Variants in ADAMTSL1 observed in about 807,000 individuals in gnomAD.
The protein encoded by ADAMTSL1 is ADAMTS like 1, also known as ADAMTS-like protein 1.
In ADAMTSL1, 126 loss-of-function variants were observed where a neutral mutation model predicts 201.8. The ratio of observed to expected loss-of-function variants is 0.62; its 90% CI spans 0.54 to 0.72. The LOEUF (loss-of-function observed/expected upper bound fraction) is 0.72, where lower values mean the gene tolerates loss of function less well. Ranked by LOEUF, ADAMTSL1 falls within the 30% of genes least tolerant of loss-of-function variation. ADAMTSL1 has a pLI of 0.00. For missense variants in ADAMTSL1, 2,679 were observed against 2,277.8 expected (o/e 1.18, Z -3.59); for synonymous variants, 1,121 against 903.4 (o/e 1.24, Z -4.32).
intron 2 of ADAMTSL1, among the ~76,000 whole-genome samples, chr9:18,336,230 A>G (rs765300033): frequency 5.3e-5 from 8 of 152,076 alleles, no homozygotes; most frequent in Non-Finnish European, 8.8e-5. Context: ...TGTTTTGTCT[A>G]TAAGACAAAA....
intron 2 of ADAMTSL1, among the ~76,000 whole-genome samples, chr9:18,462,146 G>T (rs1220781715): frequency 1.3e-5 from 2 of 152,098 alleles, no homozygotes; most frequent in Non-Finnish European, 2.9e-5. Context: ...AAGTCTCAAC[G>T]TGTGCTTAAG....
rs1025398675 is a variant in ADAMTSL1 at position 18,811,548 on chromosome 9, G to A, written c.3806-5561G>A. Among the ~76,000 whole-genome samples the A allele has an allele frequency of 2.6e-5, 4 of 152,234 alleles. 1 individual carries two copies. In the South Asian group the frequency reaches 6.2e-4, roughly 24 times the overall value. On this transcript the variant is annotated intron_variant, in intron 20 of 28. Coordinates refer to ENST00000380548, the MANE Select transcript of ADAMTSL1 (RefSeq NM_001040272.6). ...CAAAAGAGGCCAAGTGGAGAACTTG[G>A]ACTTAACCTGCACTGGGTAGTAACA...
chr9:18,621,253 A>G (rs1295299552), intron 4 of ADAMTSL1, among the ~76,000 whole-genome samples: 4 of 152,232 alleles, frequency 2.6e-5, no homozygotes, highest in African/African-American at 9.6e-5. Context: ...GATATTAGAA[A>G]GTAAAGAGGA....
intron 1 of ADAMTSL1, among the ~76,000 whole-genome samples, chr9:18,111,300 A>G (rs1404100529): frequency 6.6e-6 from 1 of 152,188 alleles, no homozygotes; most frequent in East Asian, 1.9e-4. Flanking sequence ...TACAAAACTA[A>G]AAATAACTTT....
intron 1 of ADAMTSL1, among the ~76,000 whole-genome samples, chr9:18,101,235 C>T (rs1016851601): frequency 6.6e-6 from 1 of 152,076 alleles, no homozygotes; most frequent in Admixed American, 6.6e-5. Flanking sequence ...CGGTGGCTCA[C>T]GTCTATAATC....
chr9:18,760,745 G>A (rs1820028847), intron 16 of ADAMTSL1, among the ~76,000 whole-genome samples: 1 of 152,152 alleles, frequency 6.6e-6, no homozygotes, highest in African/African-American at 2.4e-5. Flanking sequence ...CCCAAATGGT[G>A]CACCGTCTAA....
chr9:18,374,440 C>A (rs191038041), intron 2 of ADAMTSL1, among the ~76,000 whole-genome samples: 45 of 151,836 alleles, frequency 3.0e-4, no homozygotes, highest in African/African-American at 1.1e-3. Flanking sequence ...CTTGAGCGAT[C>A]CCCCAACCTC....
intron 1 of ADAMTSL1, among the ~76,000 whole-genome samples, chr9:18,153,714 T>G (rs1031817398): frequency 6.6e-6 from 1 of 152,008 alleles, no homozygotes; most frequent in Non-Finnish European, 1.5e-5. Context: ...ACGCTTAGAA[T>G]TACATAAAGA....
At chr9:18,197,552 T>C (rs2132258170) in intron 2 of ADAMTSL1, among the ~76,000 whole-genome samples, 1 of 141,430 alleles carries the variant, frequency 7.1e-6, no homozygotes, top group East Asian at 2.0e-4. Flanking sequence ...TTTGCTGAAG[T>C]TGCTTATCAG....
At chr9:17,914,370 C>T (rs564587327) in intron 1 of ADAMTSL1, among the ~76,000 whole-genome samples, 11 of 152,250 alleles carry the variant, frequency 7.2e-5, no homozygotes, top group South Asian at 2.1e-4. Context: ...GTTCAATATA[C>T]GTAAATCAAT....
chr9:18,646,342 T>C (rs201536075), intron 7 of ADAMTSL1, among the ~76,000 whole-genome samples: 2 of 152,130 alleles, frequency 1.3e-5, no homozygotes, highest in South Asian at 2.1e-4. Flanking sequence ...CAAACAGGGA[T>C]AATTTGACTT....
Position 18,658,427 on chromosome 9 carries a change from CAATT to C in ADAMTSL1, c.946+680_946+683del, listed in dbSNP as rs1442751627. ...GAAGTAAAGTCATCTATTTAGCAAT[CAATT>C]AAAGAGTGTTTATCAGGCTTACTTA... On this transcript the variant is annotated intron_variant, in intron 8 of 28. Transcript: ENST00000380548. 5.9e-5 allele frequency among the ~76,000 whole-genome samples: 9 copies of C among 152,262 alleles called. No individual in the cohort carries two copies. The East Asian group carries it at 1.5e-3, about 26-fold the overall frequency.
At chr9:18,185,945 G>A (rs974663714) in intron 2 of ADAMTSL1, among the ~76,000 whole-genome samples, 23 of 152,120 alleles carry the variant, frequency 1.5e-4, no homozygotes, top group Admixed American at 1.4e-3. Context: ...ATTTACTCTA[G>A]GATTAAATGA....
chr9:18,288,784 G>C (rs763377855), intron 2 of ADAMTSL1, among the ~76,000 whole-genome samples: 13 of 152,240 alleles, frequency 8.5e-5, no homozygotes, highest in Admixed American at 2.6e-4. Context: ...TGGCTGCCCT[G>C]GCTGTTCCCA....
intron 23 of ADAMTSL1, among the ~76,000 whole-genome samples, chr9:18,841,213 T>C (rs200608475): frequency 2.0e-5 from 3 of 152,092 alleles, no homozygotes; most frequent in Non-Finnish European, 2.9e-5. Flanking sequence ...TACATCCCAT[T>C]AATACCTAAT....
At chr9:18,482,867 C>T (rs527695977) in intron 1 of ADAMTSL1, among the ~76,000 whole-genome samples, 1 of 152,230 alleles carries the variant, frequency 6.6e-6, no homozygotes, top group African/African-American at 2.4e-5. Flanking sequence ...CTAGCCGGTT[C>T]TTTTTTTCTA....
At chr9:18,746,740 C>G (rs1279628680) in intron 15 of ADAMTSL1, among the ~76,000 whole-genome samples, 1 of 141,972 alleles carries the variant, frequency 7.0e-6, no homozygotes, top group Non-Finnish European at 1.5e-5. Flanking sequence ...AAAACCTTGG[C>G]AACTCACATA....
intron 5 of ADAMTSL1, among the ~76,000 whole-genome samples, chr9:18,630,266 G>GTTA (rs1826670780): frequency 6.6e-6 from 1 of 152,142 alleles, no homozygotes; most frequent in Non-Finnish European, 1.5e-5. Context: ...TACAAAGTTT[G>GTTA]TCACTTTGGC....
At chr9:18,017,417 T>C (rs1820304494) in intron 1 of ADAMTSL1, among the ~76,000 whole-genome samples, 1 of 151,938 alleles carries the variant, frequency 6.6e-6, no homozygotes, top group Non-Finnish European at 1.5e-5. Flanking sequence ...ACAGTTTGTT[T>C]TGTAATCCCC....
Sources: gnomAD v4.1 joint callset for allele counts (sites outside exome capture counted in the v4.1 genomes callset) on GRCh38, gnomAD v4.1.1 for gene constraint, MANE v1.5 for transcripts, NCBI Gene and HGNC (gene_info 2026-07-23, HGNC 2026-07-21) for gene names.